Variants in SLC1A1 observed in about 807,000 individuals in gnomAD.
The protein encoded by SLC1A1 is solute carrier family 1 member 1.
In SLC1A1, 43 loss-of-function variants were observed where a neutral mutation model predicts 53.3. The ratio of observed to expected loss-of-function variants is 0.81; its 90% CI spans 0.63 to 1.04. SLC1A1 has a LOEUF of 1.04. SLC1A1 is among the 50% of genes least tolerant of loss of function. SLC1A1 has a pLI of 0.00. For synonymous variants in SLC1A1, 307 were observed against 243.2 expected, an observed-to-expected ratio of 1.26 and a Z score of -2.44; for missense variants, 748 against 664.9, an observed-to-expected ratio of 1.12 and a Z score of -1.37.
intron 1 of SLC1A1, among the ~76,000 whole-genome samples, chr9:4,535,654 A>C (rs9777096): frequency 2.0e-5 from 3 of 151,666 alleles, no homozygotes; most frequent in Admixed American, 2.0e-4. Context: ...TATAGATTCA[A>C]TGCCATCCCC....
rs189589830 is a variant in SLC1A1, at chr9:4,532,418, A to G, written c.92-12149A>G. ...GGCACGAGAACTACGTGACAAATGC[A>G]CAAGCCTCAGTAGCCGATTCAATCA... On this transcript the variant is annotated intron_variant, in intron 1 of 11. Transcript: ENST00000262352. Among the ~76,000 whole-genome samples, 624 of 152,324 alleles carry G rather than the reference A, an allele frequency of 4.1e-3. 6 individuals are homozygous for G. The highest frequency in any genetic ancestry group is 0.014 in the African/African-American group (586 of 41,578).
At chr9:4,573,492 C>T (rs111373486) in intron 7 of SLC1A1, among the ~76,000 whole-genome samples, 4 of 152,168 alleles carry the variant, frequency 2.6e-5, no homozygotes, top group Admixed American at 6.5e-5. Flanking sequence ...CTAATACTAT[C>T]GCCTCTATTG....
At chr9:4,531,711 G>A (rs926820348) in intron 1 of SLC1A1, among the ~76,000 whole-genome samples, 1 of 152,134 alleles carries the variant, frequency 6.6e-6, no homozygotes, top group Non-Finnish European at 1.5e-5. Context: ...GAGAATAGTG[G>A]TTCTCCCAGC....
At chr9:4,563,782 A>G (rs1361252887) in intron 3 of SLC1A1, among the ~76,000 whole-genome samples, 1 of 152,166 alleles carries the variant, frequency 6.6e-6, no homozygotes, top group African/African-American at 2.4e-5. Flanking sequence ...TTCTCTCCCT[A>G]TAAATCCCAT....
intron 1 of SLC1A1, among the ~76,000 whole-genome samples, chr9:4,502,316 G>C (rs1363031852): frequency 7.1e-6 from 1 of 141,458 alleles, no homozygotes; most frequent in East Asian, 2.3e-4. Context: ...GAGCCCGGGA[G>C]GTTGAGTCTG....
In SLC1A1 at chr9:4,580,651, G is replaced by GTGTGTGTATGTGTGTGTGTGTA. The variant is rs370378540; in HGVS notation, c.1194-2386_1194-2385insGTGTGTATGTGTGTGTGTGTAT. ...TGTGTGTGTGTGTGTGTGTGTGTGTGTATAAGGAATAAAGAAGAAAGACAA... is the reference window on the plus strand; with the variant it reads ...TGTGTGTGTGTGTGTGTGTGTGTGTGTGTGTGTATGTGTGTGTGTGTATATAAGGAATAAAGAAGAAAGACAA... On this transcript the variant is annotated intron_variant, in intron 10 of 11. Transcript: ENST00000262352. Among the ~76,000 whole-genome samples the GTGTGTGTATGTGTGTGTGTGTA allele has an allele frequency of 2.9e-3, 347 of 118,810 alleles. 5 individuals are homozygous for GTGTGTGTATGTGTGTGTGTGTA. Among genetic ancestry groups the GTGTGTGTATGTGTGTGTGTGTA allele is most frequent in the East Asian group, 0.012 (37 of 3,142 alleles). 77.9% of individuals were successfully genotyped at this position (118,810 alleles called of 152,430 possible).
At chr9:4,580,417 CA>C (rs974350539) in intron 10 of SLC1A1, among the ~76,000 whole-genome samples, 1 of 151,676 alleles carries the variant, frequency 6.6e-6, no homozygotes, top group African/African-American at 2.4e-5. Context: ...CCCGTCTCTA[CA>C]AAAAATACAA....
At chr9:4,559,539 C>A (rs1586790277) in intron 2 of SLC1A1, among the ~76,000 whole-genome samples, 1 of 141,876 alleles carries the variant, frequency 7.0e-6, no homozygotes, top group East Asian at 2.4e-4. Context: ...CATAAACCCC[C>A]AGTCACTTAA....
rs765316653 is a variant in SLC1A1 at position 4,573,957 on chromosome 9, T to C, written c.818T>C (p.Val273Ala). Residue 273 changes from valine to alanine, a missense_variant, in exon 8 of 12, where the codon GTT (valine) becomes GCT (alanine). Transcript: ENST00000262352. ...LFLIAGKIIE[V>A]EDWEIFRKLG... ...CTGATTGCTGGGAAGATCATAGAAG[T>C]TGAAGACTGGGAAATATTCCGCAAG... 1.2e-6 allele frequency: 2 copies of C among 1,614,050 alleles called. No homozygotes were observed. Among genetic ancestry groups the C allele is most frequent in the Non-Finnish European group, 8.5e-7 (1 of 1,179,912 alleles).
chr9:4,535,667 C>G (rs538324774), intron 1 of SLC1A1, among the ~76,000 whole-genome samples: 1 of 152,096 alleles, frequency 6.6e-6, no homozygotes, highest in Non-Finnish European at 1.5e-5. Flanking sequence ...CCATCCCCAT[C>G]AAGCTACCAA....
At chr9:4,577,826 A>C (rs899384349) in intron 10 of SLC1A1, among the ~76,000 whole-genome samples, 1 of 152,166 alleles carries the variant, frequency 6.6e-6, no homozygotes, top group Non-Finnish European at 1.5e-5. Flanking sequence ...ATTGGATGGG[A>C]GCAGGGACCA....
At chr9:4,536,913 A>C (rs1353854116) in intron 1 of SLC1A1, among the ~76,000 whole-genome samples, 2 of 151,922 alleles carry the variant, frequency 1.3e-5, no homozygotes, top group Admixed American at 6.6e-5. Flanking sequence ...TGAAGCTGGA[A>C]ACCATCATTC....
intron 1 of SLC1A1, among the ~76,000 whole-genome samples, chr9:4,531,656 C>G (rs1021925527): frequency 3.3e-5 from 5 of 152,148 alleles, no homozygotes; most frequent in African/African-American, 1.2e-4. Context: ...CAAAAGGCAG[C>G]AGAATCCTCT....
chr9:4,572,432 T>G, intron 7 of SLC1A1, 44 bp downstream of exon 7: 1 of 1,510,252 alleles, frequency 6.6e-7, no homozygotes, highest in Non-Finnish European at 9.2e-7. Context: ...CCCTGACAAT[T>G]CTGTCTCCTC....
intron 1 of SLC1A1, among the ~76,000 whole-genome samples, chr9:4,531,897 C>A (rs941038934): frequency 6.6e-6 from 1 of 152,150 alleles, no homozygotes; most frequent in Admixed American, 6.5e-5. Context: ...CTGCTGTTCA[C>A]CAATATCCAC....
At chr9:4,531,777 C>A (rs1349513469) in intron 1 of SLC1A1, among the ~76,000 whole-genome samples, 1 of 152,136 alleles carries the variant, frequency 6.6e-6, no homozygotes, top group African/African-American at 2.4e-5. Flanking sequence ...GTCCCTGACC[C>A]CCGAGTAGCC....
Position 4,501,799 on chromosome 9 carries a change from C to A in SLC1A1, c.91+11029C>A, listed in dbSNP as rs921127234. On this transcript the variant is annotated intron_variant, in intron 1 of 11. Coordinates refer to ENST00000262352, the MANE Select transcript of SLC1A1 (RefSeq NM_004170.6). The stretch of plus-strand genomic sequence containing the variant: ...ACAAAACAAAACAAAACAAAGAAAA[C>A]TACAGCACTTACTCAACCAAGGGGG... Among the ~76,000 whole-genome samples the A allele has an allele frequency of 9.4e-5, 14 of 149,376 alleles. 1 individual carries two copies. Among genetic ancestry groups the A allele is most frequent in the African/African-American group, 3.5e-4 (14 of 39,460 alleles).
At chr9:4,519,627 G>A (rs1395325130) in intron 1 of SLC1A1, among the ~76,000 whole-genome samples, 1 of 152,158 alleles carries the variant, frequency 6.6e-6, no homozygotes, top group Non-Finnish European at 1.5e-5. Context: ...TAAGTCCTGT[G>A]CATTCATTAT....
intron 6 of SLC1A1, 48 bp from the exon 7 acceptor site, chr9:4,572,156 C>A: frequency 1.3e-6 from 2 of 1,513,032 alleles, no homozygotes; most frequent in Non-Finnish European, 1.8e-6. Flanking sequence ...TGCTTTCTAA[C>A]AAGATTATAA....
Sources: gnomAD v4.1 joint callset for allele counts (sites outside exome capture counted in the v4.1 genomes callset) on GRCh38, gnomAD v4.1.1 for gene constraint, MANE v1.5 for transcripts, NCBI Gene and HGNC (gene_info 2026-07-23, HGNC 2026-07-21) for gene names.